The following WDR7 variants were observed in gnomAD, a reference collection of about 807,000 sequenced individuals.
WDR7 encodes WD repeat domain 7, also known as WD repeat-containing protein 7.
Under a neutral mutation model 169.4 loss-of-function variants are expected in WDR7, and 46 were observed. The ratio of observed to expected loss-of-function variants is 0.27; its 90% confidence interval spans 0.21 to 0.35. The LOEUF is 0.35. WDR7 is among the 10% of genes least tolerant of loss of function. The pLI, the probability that WDR7 is intolerant of heterozygous loss-of-function variation, is 1.00. For missense variants in WDR7, 1,534 were observed against 1,859.3 expected (o/e 0.83, Z 3.22); for synonymous variants, 612 against 666.8 (o/e 0.92, Z 1.27).
At chr18:56,862,088 T>C (rs1041969993) in intron 20 of WDR7, among the ~76,000 whole-genome samples, 1 of 152,052 alleles carries the variant, frequency 6.6e-6, no homozygotes, top group African/African-American at 2.4e-5. Context: ...ACGTAGTAGA[T>C]GAAAATTTGC....
intron 16 of WDR7, among the ~76,000 whole-genome samples, chr18:56,767,742 G>A (rs944397338): frequency 6.6e-6 from 1 of 152,064 alleles, no homozygotes; most frequent in Non-Finnish European, 1.5e-5. Context: ...GATATTTTTA[G>A]AGTGTTATTA....
chr18:56,709,897 T>C (rs2026044654), intron 12 of WDR7, among the ~76,000 whole-genome samples: 1 of 151,942 alleles, frequency 6.6e-6, no homozygotes, highest in Admixed American at 6.6e-5. Context: ...CCTTGATTAA[T>C]GTATACCCAC....
chr18:56,679,952 T>C (rs1459487570), intron 3 of WDR7, among the ~76,000 whole-genome samples: 1 of 152,224 alleles, frequency 6.6e-6, no homozygotes, highest in Non-Finnish European at 1.5e-5. Context: ...TGTTATTAAA[T>C]GTTTAAAAAG....
At chr18:56,924,815 T>C (rs1178202076) in intron 22 of WDR7, among the ~76,000 whole-genome samples, 1 of 152,236 alleles carries the variant, frequency 6.6e-6, no homozygotes, top group African/African-American at 2.4e-5. Context: ...ACTGTAGCCA[T>C]CTTAAAGTCT....
intron 26 of WDR7, among the ~76,000 whole-genome samples, chr18:57,014,429 G>C (rs1301796794): frequency 6.6e-6 from 1 of 151,854 alleles, no homozygotes; most frequent in Non-Finnish European, 1.5e-5. Context: ...GGCTGAGGTG[G>C]GTGGATCACC....
chr18:56,922,920 T>A (rs2046746945), intron 21 of WDR7, among the ~76,000 whole-genome samples: 1 of 152,200 alleles, frequency 6.6e-6, no homozygotes, highest in African/African-American at 2.4e-5. Flanking sequence ...AGAGCCATGT[T>A]TAATAGGTAT....
At chr18:56,981,749 C>A (rs965439658) in intron 26 of WDR7, among the ~76,000 whole-genome samples, 1 of 152,164 alleles carries the variant, frequency 6.6e-6, no homozygotes, top group African/African-American at 2.4e-5. Context: ...AAAGCAAGCT[C>A]TGTGCAGTAG....
intron 19 of WDR7, among the ~76,000 whole-genome samples, chr18:56,788,511 C>G (rs945803520): frequency 1.3e-5 from 2 of 152,088 alleles, no homozygotes; most frequent in Admixed American, 1.3e-4. Flanking sequence ...AGTAAACTGG[C>G]TAAGAATAAG....
At chr18:56,706,749 G>T (rs1292192844) in intron 12 of WDR7, among the ~76,000 whole-genome samples, 2 of 151,674 alleles carry the variant, frequency 1.3e-5, no homozygotes, top group African/African-American at 4.8e-5. Context: ...GTGCAGTGGT[G>T]CCATCTTGGC....
chr18:56,725,926 T>G (rs2026440643), intron 13 of WDR7, among the ~76,000 whole-genome samples: 1 of 152,224 alleles, frequency 6.6e-6, no homozygotes, highest in African/African-American at 2.4e-5. Context: ...TTTCCCCATT[T>G]CTTGTTTTTG....
chr18:56,714,440 G>A (rs964467407), intron 12 of WDR7, among the ~76,000 whole-genome samples: 5 of 146,664 alleles, frequency 3.4e-5, no homozygotes, highest in Non-Finnish European at 4.5e-5. Context: ...TACTTTGGAC[G>A]AAACTTTTTT....
At chr18:56,805,739 G>A (rs562152417) in intron 19 of WDR7, among the ~76,000 whole-genome samples, 1 of 151,636 alleles carries the variant, frequency 6.6e-6, no homozygotes, top group Admixed American at 6.6e-5. Flanking sequence ...TAGCAACCTT[G>A]TAATTATATT....
intron 25 of WDR7, among the ~76,000 whole-genome samples, chr18:56,961,237 G>T (rs2047334947): frequency 6.6e-6 from 1 of 152,048 alleles, no homozygotes; most frequent in African/African-American, 2.4e-5. Context: ...GTCTCTCTCA[G>T]CCTCTATTAC....
intron 13 of WDR7, among the ~76,000 whole-genome samples, chr18:56,730,217 G>C (rs1026513458): frequency 1.1e-4 from 17 of 152,218 alleles, no homozygotes; most frequent in African/African-American, 3.4e-4. Context: ...TGGGTGGAGA[G>C]AGGCAGGTCA....
intron 11 of WDR7, 58 bp downstream of exon 11, chr18:56,695,256 A>G: frequency 4.5e-6 from 7 of 1,560,098 alleles, no homozygotes; most frequent in Non-Finnish European, 6.1e-6. Context: ...CCAGAGAGTG[A>G]AAATGTCTCT....
chr18:56,807,479 A>AT (rs1599060746), intron 19 of WDR7, among the ~76,000 whole-genome samples: 1 of 152,170 alleles, frequency 6.6e-6, no homozygotes, highest in African/African-American at 2.4e-5. Flanking sequence ...ATCAGGCTTG[A>AT]TTTTTTAAAT....
chr18:56,696,320 G>A lies in WDR7; in HGVS notation c.1436G>A (p.Arg479Gln), dbSNP rs1357553761. The change falls in exon 12 of 28, where the codon CGG (arginine) becomes CAG (glutamine). Residue 479 changes from arginine (R) to glutamine (Q), a missense_variant. Arg to Gln is a conservative substitution (Grantham distance 43). Coordinates refer to ENST00000254442, the MANE Select transcript of WDR7 (RefSeq NM_015285.3). ...CTATATCCTCATCAGGTCTCAGCTC[G>A]GTATGATCAAAGATACCTGATATCT... ...CLLYPHQVSA[R>Q]YDQRYLISGG... The A allele has an allele frequency of 3.1e-6, 5 of 1,613,930 alleles. No individual in the cohort carries two copies. Among genetic ancestry groups the A allele is most frequent in the East Asian group, 2.2e-5 (1 of 44,874 alleles).
At chr18:56,800,199 CCTTA>C (rs2044649293) in intron 19 of WDR7, among the ~76,000 whole-genome samples, 1 of 151,862 alleles carries the variant, frequency 6.6e-6, no homozygotes, top group Non-Finnish European at 1.5e-5. Context: ...ATTGGTGCTC[CCTTA>C]CTTAATTCAA....
At chr18:56,682,468 G>T (rs1212894198) in intron 4 of WDR7, among the ~76,000 whole-genome samples, 1 of 152,058 alleles carries the variant, frequency 6.6e-6, no homozygotes, top group Non-Finnish European at 1.5e-5. Flanking sequence ...AATAATTTTT[G>T]TTAGCTATTT....
Sources: allele counts gnomAD v4.1 joint callset (sites outside exome capture counted in the v4.1 genomes callset), GRCh38; gene constraint gnomAD v4.1.1; transcripts MANE v1.5; gene names NCBI Gene and HGNC (gene_info 2026-07-23, HGNC 2026-07-21).